Variants in RHBDD1 observed in about 807,000 individuals in gnomAD.
The protein encoded by RHBDD1 is rhomboid-related protein 4.
Under a neutral mutation model 36.3 loss-of-function variants are expected in RHBDD1, and 38 were observed. The observed-to-expected ratio is 1.05, with a 90% CI of 0.81 to 1.37. RHBDD1 has a LOEUF of 1.37. Among genes scored for constraint, RHBDD1 ranks in the 40% most tolerant of loss-of-function variants. The pLI is 0.00. For missense variants in RHBDD1, 393 were observed against 377.6 expected (o/e 1.04, Z -0.34); for synonymous variants, 151 against 136.5 (o/e 1.11, Z -0.74).
chr2:226,839,017 A>G (rs544711146), intron 2 of RHBDD1, among the ~76,000 whole-genome samples: 1 of 152,348 alleles, frequency 6.6e-6, no homozygotes, highest in African/African-American at 2.4e-5. Flanking sequence ...AAGGATGAGA[A>G]AATGCTGTTA....
At chr2:226,846,649 CAGG>C (rs986827157) in intron 3 of RHBDD1, among the ~76,000 whole-genome samples, 1 of 149,302 alleles carries the variant, frequency 6.7e-6, no homozygotes, top group Non-Finnish European at 1.5e-5. Context: ...GAGGCTGAGG[CAGG>C]AGAATTGCTT....
chr2:226,818,796 G>A, the RHBDD1 span, among the ~76,000 whole-genome samples: 8 of 151,856 alleles, frequency 5.3e-5, no homozygotes, highest in Non-Finnish European at 1.0e-4. Flanking sequence ...ACGAGATTGC[G>A]CCATTGCACT....
rs746993588 is a variant in RHBDD1 at position 226,865,117 on chromosome 2, G to C, written c.424G>C (p.Gly142Arg). 3 of 1,610,004 alleles carry C rather than the reference G, an allele frequency of 1.9e-6. No individual in the cohort carries two copies. Among genetic ancestry groups the C allele is most frequent in the South Asian group, 1.1e-5 (1 of 90,186 alleles). ...EPDFKRSCAV[G>R]FSGVLFALKV... ...TGACTTCAAAAGGAGCTGTGCTGTA[G>C]GTTTCTCAGGTAAGGGAGACAAAAT... Residue 142 changes from glycine to arginine, a missense_variant, in exon 4 of 9, where the codon GGT (glycine) becomes CGT (arginine). Transcript: ENST00000392062.
At chr2:226,873,214 C>T (rs1314849610) in intron 5 of RHBDD1, among the ~76,000 whole-genome samples, 1 of 152,196 alleles carries the variant, frequency 6.6e-6, no homozygotes, top group Non-Finnish European at 1.5e-5. Flanking sequence ...ACTGTAAAGA[C>T]TGGCAGTGAC....
intron 8 of RHBDD1, among the ~76,000 whole-genome samples, chr2:226,950,879 C>T (rs1951377024): frequency 6.6e-6 from 1 of 152,164 alleles, no homozygotes; most frequent in South Asian, 2.1e-4. Flanking sequence ...AATGCATTAT[C>T]AGATGTATGG....
intron 8 of RHBDD1, among the ~76,000 whole-genome samples, chr2:226,928,676 GCAA>G (rs1055736821): frequency 2.0e-5 from 3 of 151,676 alleles, no homozygotes; most frequent in South Asian, 2.1e-4. Context: ...AACAGAAATT[GCAA>G]CAACAACAAC....
intron 3 of RHBDD1, among the ~76,000 whole-genome samples, chr2:226,863,179 C>A (rs908783881): frequency 2.0e-5 from 3 of 152,096 alleles, no homozygotes; most frequent in Non-Finnish European, 4.4e-5. Flanking sequence ...GACACCTAGT[C>A]TCTACTAAAA....
chr2:226,814,453 C>T, the RHBDD1 span, among the ~76,000 whole-genome samples: 1 of 152,050 alleles, frequency 6.6e-6, no homozygotes, highest in Admixed American at 6.6e-5. Flanking sequence ...CTTAGCTTGT[C>T]AGTAATGAGG....
chr2:226,826,184 C>G, the RHBDD1 span, among the ~76,000 whole-genome samples: 1 of 151,920 alleles, frequency 6.6e-6, no homozygotes, highest in East Asian at 1.9e-4. Context: ...GGTTTAACAC[C>G]CCAAAATAGG....
intron 5 of RHBDD1, among the ~76,000 whole-genome samples, chr2:226,881,264 A>C (rs779522540): frequency 3.3e-5 from 5 of 152,240 alleles, no homozygotes; most frequent in African/African-American, 4.8e-5. Flanking sequence ...CTTACAGTTC[A>C]AGATGAGATT....
the RHBDD1 span, among the ~76,000 whole-genome samples, chr2:226,810,019 C>A: frequency 6.6e-6 from 1 of 152,134 alleles, no homozygotes; most frequent in Non-Finnish European, 1.5e-5. Context: ...TAACATAACT[C>A]TTGGAATCTC....
the RHBDD1 span, among the ~76,000 whole-genome samples, chr2:226,822,622 A>G: frequency 6.8e-6 from 1 of 148,128 alleles, no homozygotes; most frequent in Admixed American, 6.8e-5. Context: ...CGGCATAGTA[A>G]TATTTTGTCT....
At chr2:226,846,058 T>C (rs1942185364) in intron 3 of RHBDD1, among the ~76,000 whole-genome samples, 1 of 152,234 alleles carries the variant, frequency 6.6e-6, no homozygotes, top group Admixed American at 6.5e-5. Flanking sequence ...TGGGTTCTTG[T>C]TTTTATTTTT....
At chr2:226,809,552 G>T in the RHBDD1 span, among the ~76,000 whole-genome samples, 3 of 152,054 alleles carry the variant, frequency 2.0e-5, no homozygotes, top group Non-Finnish European at 4.4e-5. Flanking sequence ...TACAGTGGAT[G>T]CTATGTTTAG....
chr2:226,900,580 A>T (rs533347346), intron 5 of RHBDD1, among the ~76,000 whole-genome samples: 8 of 152,316 alleles, frequency 5.3e-5, no homozygotes, highest in African/African-American at 1.9e-4. Context: ...TTAATTGAAC[A>T]TATATTTTGT....
intron 8 of RHBDD1, among the ~76,000 whole-genome samples, chr2:226,970,675 T>C (rs1013704433): frequency 6.6e-6 from 1 of 152,258 alleles, no homozygotes; most frequent in Non-Finnish European, 1.5e-5. Context: ...TTACTTTTCA[T>C]CTCTGCCAGC....
the RHBDD1 span, among the ~76,000 whole-genome samples, chr2:226,809,635 G>A: frequency 6.7e-6 from 1 of 148,618 alleles, no homozygotes; most frequent in Non-Finnish European, 1.5e-5. Flanking sequence ...GAAAGAGAGG[G>A]AGAGAGAGAG....
the RHBDD1 span, among the ~76,000 whole-genome samples, chr2:226,801,494 A>C: frequency 6.6e-6 from 1 of 152,194 alleles, no homozygotes; most frequent in Non-Finnish European, 1.5e-5. Context: ...CTCCCCACCC[A>C]AGCCTGGGAG....
chr2:226,943,928 G>C (rs528156309), intron 8 of RHBDD1, among the ~76,000 whole-genome samples: 2 of 152,248 alleles, frequency 1.3e-5, no homozygotes, highest in African/African-American at 4.8e-5. Flanking sequence ...TGGTCTGTAG[G>C]CCCACCTGTG....
Sources: allele counts gnomAD v4.1 joint callset (sites outside exome capture counted in the v4.1 genomes callset), GRCh38; gene constraint gnomAD v4.1.1; transcripts MANE v1.5; gene names NCBI Gene and HGNC (gene_info 2026-07-23, HGNC 2026-07-21).